CCT6B: variants seen among roughly 807,000 people sequenced by gnomAD.
The protein encoded by CCT6B is probable T-complex protein 1 subunit zeta-2.
CCT6B carries 49 observed loss-of-function variants against 61.5 expected under a neutral mutation model. That is an observed-to-expected ratio of 0.80 (90% CI 0.63 to 1.01). The LOEUF (loss-of-function observed/expected upper bound fraction) is 1.01. CCT6B is among the 50% of genes least tolerant of loss of function. The probability of loss-of-function intolerance (pLI) is 0.00; values close to 1 mark genes in which losing one functional copy is unlikely to be tolerated. For synonymous variants in CCT6B, 228 were observed against 214.5 expected, an observed-to-expected ratio of 1.06 and a Z score of -0.55; for missense variants, 666 against 634.7, an observed-to-expected ratio of 1.05 and a Z score of -0.53.
At chr17:34,935,877 A>T (rs1307638430) in intron 10 of CCT6B, among the ~76,000 whole-genome samples, 2 of 151,210 alleles carry the variant, frequency 1.3e-5, no homozygotes, top group Non-Finnish European at 3.0e-5. Flanking sequence ...AAAAAAAATC[A>T]TATGATCATC....
chr17:34,946,962 G>A (rs565094549), intron 5 of CCT6B, among the ~76,000 whole-genome samples: 144 of 152,274 alleles, frequency 9.5e-4, no homozygotes, highest in Non-Finnish European at 1.6e-3. Context: ...TGATTACACA[G>A]ATACATTTGG....
chr17:34,958,610 C>T lies in CCT6B; in HGVS notation c.286G>A (p.Val96Ile). 1 of 1,598,998 alleles carries T rather than the reference C, an allele frequency of 6.3e-7. No homozygotes were observed. The highest frequency in any genetic ancestry group is 1.1e-5 in the South Asian group (1 of 87,834). The change falls in exon 3 of 14, where the codon GTT becomes ATT. Residue 96 changes from valine to isoleucine, a missense_variant. Coordinates refer to ENST00000314144, the MANE Select transcript of CCT6B (RefSeq NM_006584.4). ...TTTAATAACTCTCCAATAATTAGAACATTTGAAGTAGTACCATCTCCTGTG... is the reference window on the plus strand; with the variant it reads ...TTTAATAACTCTCCAATAATTAGAATATTTGAAGTAGTACCATCTCCTGTG... ...DVTGDGTTSN[V>I]LIIGELLKQA...
chr17:34,935,935 G>A (rs2090088736), intron 10 of CCT6B, among the ~76,000 whole-genome samples: 1 of 151,888 alleles, frequency 6.6e-6, no homozygotes, highest in Non-Finnish European at 1.5e-5. Flanking sequence ...GTGTGTGTGT[G>A]TGTGTGTGTG....
At position 34,959,666 on chromosome 17, in the gene CCT6B, T is replaced by C. The variant is rs2090389639; in HGVS notation, c.138-16A>G. 6.3e-7 allele frequency: 1 copy of C among 1,576,536 alleles called. No homozygotes were observed. The highest frequency in any genetic ancestry group is 1.3e-5 in the African/African-American group (1 of 74,216). On this transcript the variant is annotated splice_polypyrimidine_tract_variant and intron_variant, in intron 1 of 13. Transcript: ENST00000314144. ...AGAAACAAGCCTGTTCAGAGAAGAA[T>C]GATATTAACTTCATGTGGTAGGAAG...
intron 10 of CCT6B, among the ~76,000 whole-genome samples, chr17:34,938,047 G>C (rs1312748375): frequency 1.3e-5 from 2 of 151,750 alleles, no homozygotes; most frequent in Non-Finnish European, 2.9e-5. Context: ...AGGCCACCAC[G>C]CCTGGCTATT....
At chr17:34,947,427 G>A (rs553977255) in intron 5 of CCT6B, among the ~76,000 whole-genome samples, 1 of 152,266 alleles carries the variant, frequency 6.6e-6, no homozygotes, top group South Asian at 2.1e-4. Context: ...AGGACTCATG[G>A]CTATAAAGGA....
chr17:34,937,977 C>T (rs2090113562), intron 10 of CCT6B, among the ~76,000 whole-genome samples: 1 of 151,824 alleles, frequency 6.6e-6, no homozygotes, highest in African/African-American at 2.4e-5. Flanking sequence ...TAACCTCAGA[C>T]TCTTGGGACT....
At position 34,940,609 on chromosome 17, in the gene CCT6B, A is replaced by C; in HGVS notation, c.898T>G (p.Phe300Val). 1 of 1,526,376 alleles carries C rather than the reference A, an allele frequency of 6.6e-7. No homozygotes were observed. Among genetic ancestry groups the C allele is most frequent in the South Asian group, 1.2e-5 (1 of 84,904 alleles). The allele number at this position is 1,526,376 out of a possible 1,614,324, so 94.6% of individuals were successfully genotyped here. ...VVINQKGIDP[F>V]SLDSLAKHGI... ...TGTTTTGCAAGAGAATCTAAGGAAA[A>C]TGGATCAATTCCCTATAATCAAATT... Residue 300 changes from phenylalanine (F) to valine (V), a missense_variant, in exon 8 of 14, where the codon TTT (phenylalanine) becomes GTT (valine). Physicochemically the swap from Phe to Val is conservative, Grantham distance 50 (BLOSUM62 -1). Coordinates refer to ENST00000314144, the MANE Select transcript of CCT6B (RefSeq NM_006584.4).
rs763080100 is a variant in CCT6B at position 34,961,379 on chromosome 17, CT to C, written c.14del (p.Lys5ArgfsTer40). ...CCACCTCAGCCTTGGAGTTGACGGCCTTTATCGCAGCCATAGCCTAACCGTT... is the reference window on the plus strand; with the variant it reads ...CCACCTCAGCCTTGGAGTTGACGGCCTTATCGCAGCCATAGCCTAACCGTT... MAAI[K>X]AVNSKAEVAR... On this transcript the variant is annotated frameshift_variant, in exon 1 of 14. Transcript: ENST00000314144. LOFTEE classifies it high-confidence loss of function. 2.5e-6 allele frequency: 4 copies of C among 1,609,388 alleles called. No homozygotes were observed. In the South Asian group the frequency reaches 4.4e-5, roughly 18 times the overall value.
At chr17:34,952,941 T>G (rs1366304722) in intron 4 of CCT6B, among the ~76,000 whole-genome samples, 2 of 152,140 alleles carry the variant, frequency 1.3e-5, no homozygotes, top group Non-Finnish European at 2.9e-5. Context: ...GCATGAAGAT[T>G]TGGGGCCATT....
Position 34,961,429 on chromosome 17 carries a change from T to C in CCT6B, c.-36A>G. The C allele has an allele frequency of 1.3e-6, 2 of 1,563,082 alleles. No homozygotes were observed. The highest frequency in any genetic ancestry group is 8.6e-7 in the Non-Finnish European group (1 of 1,160,400). On this transcript the variant is annotated 5_prime_UTR_variant, in exon 1 of 14. Coordinates refer to ENST00000314144, the MANE Select transcript of CCT6B (RefSeq NM_006584.4). ...TTCAGAGGGAGAAAAAAAAAAAGCC[T>C]TAGTCGCGATTCTGAGCAAAAACGG...
chr17:34,936,003 T>C (rs2090089755), intron 10 of CCT6B, among the ~76,000 whole-genome samples: 1 of 151,928 alleles, frequency 6.6e-6, no homozygotes, highest in African/African-American at 2.4e-5. Flanking sequence ...CAGGCTAAAG[T>C]CCAGTGGCAC....
intron 10 of CCT6B, among the ~76,000 whole-genome samples, chr17:34,938,978 G>C (rs141746765): frequency 6.6e-6 from 1 of 152,194 alleles, no homozygotes; most frequent in East Asian, 1.9e-4. Flanking sequence ...CAGCTACTTG[G>C]GAGGCTGAGG....
chr17:34,932,403 GACTCC>G lies in CCT6B; in HGVS notation c.1306_1310del (p.Gly436ProfsTer5). The G allele has an allele frequency of 6.2e-7, 1 of 1,611,588 alleles. No individual in the cohort carries two copies. The highest frequency in any genetic ancestry group is 8.5e-7 in the Non-Finnish European group (1 of 1,179,096). ...TGAGTAAGGCATCAGCAAAAGCTTG[GACTCC>G]AAGACGAGCTCTTCCTTTTATACTG... is the stretch of plus-strand genomic sequence containing the variant. On this transcript the variant is annotated frameshift_variant, in exon 11 of 14. Coordinates refer to ENST00000314144, the MANE Select transcript of CCT6B (RefSeq NM_006584.4). LOFTEE classifies it high-confidence loss of function.
At chr17:34,943,081 T>G in intron 5 of CCT6B, 175 bp from the exon 6 acceptor site, 1 of 521,708 alleles carries the variant, frequency 1.9e-6, no homozygotes, top group Non-Finnish European at 3.4e-6. Context: ...GGGGTCTTGC[T>G]ATGATGTCCA....
rs757191273 is a variant in CCT6B, at chr17:34,939,171, G to A, written c.1213+12C>T. On this transcript the variant is annotated intron_variant, in intron 10 of 13. Coordinates refer to ENST00000314144, the MANE Select transcript of CCT6B (RefSeq NM_006584.4). ...TACATGAGGTTCATATCAATCACAA[G>A]AAAGAGCTTACCATCTTCAATGGCA... is the stretch of plus-strand genomic sequence containing the variant. 15 of 1,611,434 alleles carry A rather than the reference G, an allele frequency of 9.3e-6. No homozygotes were observed. The highest frequency in any genetic ancestry group is 1.0e-5 in the Non-Finnish European group (12 of 1,178,004).
intron 9 of CCT6B, 124 bp from the exon 10 acceptor site, chr17:34,939,454 A>C: frequency 2.3e-6 from 2 of 874,122 alleles, no homozygotes; most frequent in Non-Finnish European, 3.5e-6. Flanking sequence ...GAGTTAAGTT[A>C]TATCTGAACT....
At chr17:34,953,625 C>T (rs2090316912) in intron 4 of CCT6B, among the ~76,000 whole-genome samples, 1 of 152,056 alleles carries the variant, frequency 6.6e-6, no homozygotes, top group Non-Finnish European at 1.5e-5. Flanking sequence ...CCACCATGCC[C>T]AGCCTATATA....
chr17:34,959,691 G>C (rs2090390250), intron 1 of CCT6B, 41 bp from the exon 2 acceptor site: 3 of 1,393,908 alleles, frequency 2.2e-6, no homozygotes, highest in Non-Finnish European at 3.1e-6. Context: ...GTGGTAGGAA[G>C]ACATTCCCAG....
Sources: gnomAD v4.1 joint callset for allele counts (sites outside exome capture counted in the v4.1 genomes callset) on GRCh38, gnomAD v4.1.1 for gene constraint, MANE v1.5 for transcripts, NCBI Gene and HGNC (gene_info 2026-07-23, HGNC 2026-07-21) for gene names.